Variants in NEO1 observed in about 807,000 individuals in gnomAD.
NEO1 encodes neogenin.
A neutral mutation model predicts 159.7 loss-of-function variants in NEO1; 63 were observed. That is an observed-to-expected ratio of 0.39 (90% CI 0.32 to 0.49). The LOEUF is 0.49. Ranked by LOEUF, NEO1 falls within the 20% of genes least tolerant of loss-of-function variation. The probability of loss-of-function intolerance (pLI) is 0.85; values close to 1 mark genes in which losing one functional copy is unlikely to be tolerated. For missense variants in NEO1, 1,615 were observed against 1,831.0 expected, an observed-to-expected ratio of 0.88 and a Z score of 2.15; for synonymous variants, 633 against 662.0, an observed-to-expected ratio of 0.96 and a Z score of 0.67.
intron 5 of NEO1, chr15:73,143,650 G>A (rs2032624623): frequency 6.5e-6 from 1 of 152,872 alleles, no homozygotes; most frequent in South Asian, 2.1e-4. Context: ...TCCTGCACTA[G>A]GAGTAAATTC....
intron 21 of NEO1, among the ~76,000 whole-genome samples, chr15:73,277,373 A>G (rs2041468267): frequency 6.6e-6 from 1 of 152,216 alleles, no homozygotes; most frequent in Non-Finnish European, 1.5e-5. Context: ...ATTCAAGGCC[A>G]AGTATAAGAA....
intron 5 of NEO1, chr15:73,162,012 A>C (rs1200396902): frequency 1.3e-5 from 3 of 232,540 alleles, no homozygotes; most frequent in Non-Finnish European, 2.6e-5. Flanking sequence ...CTTGGTGTTG[A>C]TGGTTTTGAA....
At chr15:73,180,425 C>T (rs868191626) in intron 7 of NEO1, among the ~76,000 whole-genome samples, 2 of 152,116 alleles carry the variant, frequency 1.3e-5, no homozygotes, top group Non-Finnish European at 2.9e-5. Context: ...TAGAAGCATG[C>T]CATTTTTCCA....
At chr15:73,168,903 G>A (rs35133756) in intron 5 of NEO1, among the ~76,000 whole-genome samples, 11,772 of 151,344 alleles carry the variant, frequency 0.078, 556 homozygotes, top group Non-Finnish European at 0.097. Context: ...TTTTTAAACG[G>A]CATAGATGTA....
intron 1 of NEO1, among the ~76,000 whole-genome samples, chr15:73,093,489 A>G (rs1297237259): frequency 1.3e-5 from 2 of 150,970 alleles, no homozygotes; most frequent in African/African-American, 4.9e-5. Context: ...ACTCATGGGT[A>G]TTTATTTTGT....
At chr15:73,104,800 G>A (rs530366434) in intron 1 of NEO1, among the ~76,000 whole-genome samples, 1 of 152,290 alleles carries the variant, frequency 6.6e-6, no homozygotes, top group African/African-American at 2.4e-5. Flanking sequence ...AGGTGAAGGT[G>A]GAGCAGGGCA....
chr15:73,150,461 C>T (rs751377569), intron 5 of NEO1, among the ~76,000 whole-genome samples: 4 of 152,096 alleles, frequency 2.6e-5, no homozygotes, highest in Non-Finnish European at 5.9e-5. Flanking sequence ...ACAGCAAATA[C>T]CCACCACCTT....
intron 9 of NEO1, among the ~76,000 whole-genome samples, chr15:73,245,395 G>A (rs927938583): frequency 2.0e-5 from 3 of 152,090 alleles, no homozygotes; most frequent in African/African-American, 7.2e-5. Context: ...TTTCAGTGAC[G>A]TGAGTGTCAA....
chr15:73,179,795 G>C (rs1385399392), intron 7 of NEO1, among the ~76,000 whole-genome samples: 1 of 151,926 alleles, frequency 6.6e-6, no homozygotes, highest in Non-Finnish European at 1.5e-5. Flanking sequence ...TGTTGCAACA[G>C]CATGCTGTGT....
At chr15:73,185,090 TATGG>T (rs2035845383) in intron 7 of NEO1, among the ~76,000 whole-genome samples, 1 of 151,902 alleles carries the variant, frequency 6.6e-6, no homozygotes, top group African/African-American at 2.4e-5. Flanking sequence ...AAGGCAAAAC[TATGG>T]AGTTAGTAAA....
At chr15:73,189,838 G>C (rs2036144585) in intron 7 of NEO1, among the ~76,000 whole-genome samples, 1 of 152,238 alleles carries the variant, frequency 6.6e-6, no homozygotes, top group Non-Finnish European at 1.5e-5. Context: ...TGAGCAAATT[G>C]TGAAGTAGAA....
In NEO1 at chr15:73,182,423, G is replaced by A. The variant is rs571569314; in HGVS notation, c.1291+3996G>A. ...CCATTCTCACCACATAAAGAGCTTAGTAATCTACAACGTCACAGGTTCTCT... is the reference window on the plus strand; with the variant it reads ...CCATTCTCACCACATAAAGAGCTTAATAATCTACAACGTCACAGGTTCTCT... On this transcript the variant is annotated intron_variant, in intron 7 of 28. Coordinates refer to ENST00000261908, the MANE Select transcript of NEO1 (RefSeq NM_002499.4). Among the ~76,000 whole-genome samples, 4 of 152,296 alleles carry A rather than the reference G, an allele frequency of 2.6e-5. No individual in the cohort carries two copies. The South Asian group carries it at 8.3e-4, about 32-fold the overall frequency.
intron 5 of NEO1, chr15:73,162,220 C>T (rs2151890885): frequency 4.7e-6 from 1 of 213,372 alleles, no homozygotes; most frequent in Non-Finnish European, 9.8e-6. Context: ...AGCCTCTTCA[C>T]CTTCCTCCCC....
In NEO1 at chr15:73,288,567, C is replaced by T. The variant is rs748110498; in HGVS notation, c.3649+16C>T. 8.5e-5 allele frequency: 135 copies of T among 1,588,618 alleles called. No homozygotes were observed. Among genetic ancestry groups the T allele is most frequent in the Non-Finnish European group, 1.1e-4 (130 of 1,159,228 alleles). On this transcript the variant is annotated intron_variant, in intron 24 of 28. Coordinates refer to ENST00000261908, the MANE Select transcript of NEO1 (RefSeq NM_002499.4). ...TCATACAGAGGTACCATTTTAAGTG[C>T]AGGTTTTTTCTCAAATGTTAGGAAA...
chr15:73,052,633 C>T lies in NEO1; in HGVS notation c.-43C>T. ...GCGGGAGGGAAGGAGGCAAGGGCTC[C>T]GCGGCGCTGTCGCCGCCGCTGCCGC... On this transcript the variant is annotated 5_prime_UTR_variant, in exon 1 of 29. Transcript: ENST00000261908. 8.3e-7 allele frequency: 1 copy of T among 1,198,370 alleles called. No individual in the cohort carries two copies. Among genetic ancestry groups the T allele is most frequent in the East Asian group, 4.0e-5 (1 of 24,932 alleles). 74.2% of individuals were successfully genotyped at this position (1,198,370 alleles called of 1,614,324 possible). A position where few individuals can be genotyped will look rare whatever the true frequency, so the allele number is the denominator to read the frequency against.
At position 73,299,335 on chromosome 15, in the gene NEO1, A is replaced by G. The variant is rs7173154; in HGVS notation, c.4165+724A>G. Among the ~76,000 whole-genome samples, 1,315 of 152,230 alleles carry G rather than the reference A, an allele frequency of 8.6e-3. 23 individuals are homozygous for G. Among genetic ancestry groups the G allele is most frequent in the African/African-American group, 0.03 (1,242 of 41,548 alleles). On this transcript the variant is annotated intron_variant, in intron 27 of 28. Coordinates refer to ENST00000261908, the MANE Select transcript of NEO1 (RefSeq NM_002499.4). ...ATTTTATTCATTTAAAAAAGCAAGT[A>G]TCTATCATGTTAAGATAAGTAGCAT...
intron 7 of NEO1, among the ~76,000 whole-genome samples, chr15:73,191,473 CTT>C (rs2036232721): frequency 8.3e-6 from 1 of 120,392 alleles, no homozygotes; most frequent in South Asian, 2.8e-4. Context: ...CAACAGAAAT[CTT>C]TAGGATAATA....
Position 73,069,508 on chromosome 15 carries a change from C to T in NEO1, c.130+16703C>T, listed in dbSNP as rs146647105. Among the ~76,000 whole-genome samples the T allele has an allele frequency of 2.8e-3, 421 of 151,472 alleles. 2 individuals are homozygous for T. Among genetic ancestry groups the T allele is most frequent in the African/African-American group, 9.6e-3 (398 of 41,318 alleles). On this transcript the variant is annotated intron_variant, in intron 1 of 28. Transcript: ENST00000261908. ...TGTTGAATATCAATTAATATATAAA[C>T]ATTGATAATAGTTTTTATATCTATA...
chr15:73,192,823 A>G (rs1267442396), intron 7 of NEO1, among the ~76,000 whole-genome samples: 2 of 152,050 alleles, frequency 1.3e-5, no homozygotes, highest in Non-Finnish European at 2.9e-5. Flanking sequence ...ACAGAAATCT[A>G]TTAATGATGG....
Sources: gnomAD v4.1 joint callset for allele counts (sites outside exome capture counted in the v4.1 genomes callset) on GRCh38, gnomAD v4.1.1 for gene constraint, MANE v1.5 for transcripts, NCBI Gene and HGNC (gene_info 2026-07-23, HGNC 2026-07-21) for gene names.